The following SND1 variants were observed in gnomAD, a reference collection of about 807,000 sequenced individuals.
The protein encoded by SND1 is staphylococcal nuclease and tudor domain containing 1.
Under a neutral mutation model 121.7 loss-of-function variants are expected in SND1, and 38 were observed. The observed-to-expected ratio is 0.31, with a 90% CI of 0.24 to 0.41. The LOEUF (loss-of-function observed/expected upper bound fraction) is 0.41, where lower values mean the gene tolerates loss of function less well. SND1 is among the 10% of genes least tolerant of loss of function. The pLI is 1.00. For synonymous variants in SND1, 401 were observed against 447.4 expected (o/e 0.90, Z 1.31); for missense variants, 868 against 1,184.6 (o/e 0.73, Z 3.92).
At chr7:127,706,867 T>C (rs567844484) in intron 8 of SND1, among the ~76,000 whole-genome samples, 8 of 152,360 alleles carry the variant, frequency 5.3e-5, no homozygotes, top group Admixed American at 5.2e-4. Flanking sequence ...AAACAAAAGA[T>C]TGCAATACTG....
intron 18 of SND1, among the ~76,000 whole-genome samples, chr7:128,084,042 G>T (rs1409901771): frequency 6.6e-6 from 1 of 152,168 alleles, no homozygotes; most frequent in East Asian, 1.9e-4. Flanking sequence ...TAGCAGGGTG[G>T]GACAGTACAG....
intron 10 of SND1, among the ~76,000 whole-genome samples, chr7:127,791,493 A>G (rs1309504788): frequency 6.6e-6 from 1 of 152,150 alleles, no homozygotes; most frequent in East Asian, 1.9e-4. Context: ...ATAACATAAA[A>G]TTTACCATCT....
Position 128,065,364 on chromosome 7 carries a change from C to T in SND1, c.1780-9138C>T, listed in dbSNP as rs576240927. Among the ~76,000 whole-genome samples, 21 of 152,320 alleles carry T rather than the reference C, an allele frequency of 1.4e-4. 1 individual carries two copies. The South Asian group carries it at 1.4e-3, about 11-fold the overall frequency. ...GAGAATCAAGGTCCACAAAGCAGAG[C>T]GGACTGGCCCCATTGGGGGGGTCAC... On this transcript the variant is annotated intron_variant, in intron 16 of 23. Transcript: ENST00000354725.
chr7:128,050,474 G>C (rs922899855), intron 16 of SND1, among the ~76,000 whole-genome samples: 5 of 152,262 alleles, frequency 3.3e-5, no homozygotes, highest in African/African-American at 1.2e-4. Flanking sequence ...GAGCAGTTCA[G>C]TTACTGCACT....
intron 10 of SND1, among the ~76,000 whole-genome samples, chr7:127,793,384 A>G (rs1797949581): frequency 1.3e-5 from 2 of 152,170 alleles, no homozygotes; most frequent in Admixed American, 1.3e-4. Context: ...TTCCAGCTTT[A>G]TTTGCTATTG....
At chr7:127,892,692 C>A (rs906016568) in intron 13 of SND1, among the ~76,000 whole-genome samples, 2 of 152,146 alleles carry the variant, frequency 1.3e-5, no homozygotes, top group Non-Finnish European at 2.9e-5. Flanking sequence ...GGCATTTTCT[C>A]ATATACTCTC....
chr7:127,840,317 G>C (rs1247890587), intron 11 of SND1, among the ~76,000 whole-genome samples: 1 of 152,182 alleles, frequency 6.6e-6, no homozygotes, highest in Non-Finnish European at 1.5e-5. Context: ...GGGAAACTGA[G>C]ACCCAAAGAT....
chr7:127,806,733 G>A (rs1023896106), intron 10 of SND1, among the ~76,000 whole-genome samples: 6 of 152,200 alleles, frequency 3.9e-5, no homozygotes, highest in Admixed American at 2.6e-4. Context: ...GCAGAGGCAG[G>A]TGGATCATTT....
intron 16 of SND1, among the ~76,000 whole-genome samples, chr7:127,995,632 C>T (rs1373392977): frequency 2.0e-5 from 3 of 152,194 alleles, no homozygotes; most frequent in East Asian, 1.9e-4. Context: ...TTCCTTTTTG[C>T]GGCCCTTGTT....
intron 10 of SND1, among the ~76,000 whole-genome samples, chr7:127,772,904 C>G (rs1204672160): frequency 4.6e-5 from 7 of 152,186 alleles, no homozygotes; most frequent in African/African-American, 1.7e-4. Context: ...ATTAATTTCA[C>G]TTAACAAGTA....
intron 12 of SND1, among the ~76,000 whole-genome samples, chr7:127,876,120 CT>C (rs1799685374): frequency 6.6e-6 from 1 of 152,124 alleles, no homozygotes; most frequent in Non-Finnish European, 1.5e-5. Context: ...CCCTTTGCCC[CT>C]CTCCTTCTCT....
At chr7:127,750,539 CAT>C (rs1797070504) in intron 10 of SND1, among the ~76,000 whole-genome samples, 2 of 152,194 alleles carry the variant, frequency 1.3e-5, no homozygotes, top group African/African-American at 2.4e-5. Flanking sequence ...TTCAATGAAA[CAT>C]ATGAATACAG....
chr7:127,687,675 A>C (rs1795838489), intron 2 of SND1, among the ~76,000 whole-genome samples: 1 of 151,948 alleles, frequency 6.6e-6, no homozygotes, highest in Non-Finnish European at 1.5e-5. Flanking sequence ...GGCTGCCCAT[A>C]CTTTATTACT....
intron 10 of SND1, among the ~76,000 whole-genome samples, chr7:127,787,297 G>A (rs1288403708): frequency 1.3e-5 from 2 of 152,088 alleles, no homozygotes; most frequent in Non-Finnish European, 2.9e-5. Context: ...TACAGTGGCT[G>A]TATCCTAGCT....
intron 2 of SND1, among the ~76,000 whole-genome samples, chr7:127,690,422 A>G (rs1370782054): frequency 6.6e-6 from 1 of 152,174 alleles, no homozygotes; most frequent in Non-Finnish European, 1.5e-5. Context: ...CCCCTCCATC[A>G]GTAGTTCCTT....
chr7:127,783,555 G>A (rs770827166), intron 10 of SND1, among the ~76,000 whole-genome samples: 8 of 152,172 alleles, frequency 5.3e-5, no homozygotes, highest in Non-Finnish European at 8.8e-5. Context: ...GAGGCTGCAT[G>A]CTGTTAACAC....
chr7:127,730,255 C>T, intron 10 of SND1, among the ~76,000 whole-genome samples: 1 of 152,190 alleles, frequency 6.6e-6, no homozygotes, highest in Non-Finnish European at 1.5e-5. Context: ...GTGTGAGCCA[C>T]CGCGCCCAGC....
chr7:127,889,950 A>G (rs1799979765), intron 13 of SND1, among the ~76,000 whole-genome samples: 1 of 152,070 alleles, frequency 6.6e-6, no homozygotes, highest in Non-Finnish European at 1.5e-5. Flanking sequence ...GGTTACTTCC[A>G]AGTTTTGGCT....
chr7:128,041,251 A>G (rs1283861235), intron 16 of SND1, among the ~76,000 whole-genome samples: 1 of 152,168 alleles, frequency 6.6e-6, no homozygotes. Flanking sequence ...CCTGGGCAAT[A>G]TAATGAGACC....
Sources: allele counts gnomAD v4.1 joint callset (sites outside exome capture counted in the v4.1 genomes callset), GRCh38; gene constraint gnomAD v4.1.1; transcripts MANE v1.5; gene names NCBI Gene and HGNC (gene_info 2026-07-23, HGNC 2026-07-21).